Variants in PPP4R3B observed in about 807,000 individuals in gnomAD.
The protein encoded by PPP4R3B is protein phosphatase 4 regulatory subunit 3B.
PPP4R3B carries 52 observed loss-of-function variants against 95.4 expected under a neutral mutation model. The observed-to-expected ratio is 0.54, with a 90% CI of 0.44 to 0.69. The LOEUF is 0.69. Ranked by LOEUF, PPP4R3B falls within the 30% of genes least tolerant of loss-of-function variation. The pLI is 0.00. For synonymous variants in PPP4R3B, 407 were observed against 343.9 expected (o/e 1.18, Z -2.03); for missense variants, 1,003 against 1,005.9 (o/e 1.00, Z 0.04).
At chr2:55,589,327 T>C (rs2104348822) in intron 4 of PPP4R3B, among the ~76,000 whole-genome samples, 1 of 111,616 alleles carries the variant, frequency 9.0e-6, no homozygotes, top group East Asian at 2.1e-4. Context: ...TTATTGTCAG[T>C]TTATAACAGA....
At chr2:55,591,575 C>T in intron 4 of PPP4R3B, 6 of 983,754 alleles carry the variant, frequency 6.1e-6, no homozygotes, top group Non-Finnish European at 7.2e-6. Flanking sequence ...TCCTTTACTA[C>T]CTGAAAATTT....
chr2:55,585,008 A>G, intron 7 of PPP4R3B, 43 bp downstream of exon 7: 1 of 1,347,088 alleles, frequency 7.4e-7, no homozygotes, highest in Non-Finnish European at 1.0e-6. Context: ...AACACTACTC[A>G]CTCTACAGGT....
intron 2 of PPP4R3B, among the ~76,000 whole-genome samples, chr2:55,613,176 A>G (rs529150448): frequency 6.6e-6 from 1 of 152,316 alleles, no homozygotes; most frequent in South Asian, 2.1e-4. Flanking sequence ...TGTCTATTAC[A>G]AAGAAACTAA....
chr2:55,578,476 C>CA, intron 9 of PPP4R3B, 134 bp from the exon 10 acceptor site: 1 of 920,118 alleles, frequency 1.1e-6, no homozygotes. Context: ...GCATTATTTT[C>CA]ATTTATATAA....
intron 16 of PPP4R3B, among the ~76,000 whole-genome samples, chr2:55,551,288 A>G (rs1685214778): frequency 6.6e-6 from 1 of 152,120 alleles, no homozygotes. Context: ...CAGGAGGTGG[A>G]GATTGCACCA....
At chr2:55,572,462 T>C (rs896049628) in intron 12 of PPP4R3B, among the ~76,000 whole-genome samples, 2 of 152,084 alleles carry the variant, frequency 1.3e-5, no homozygotes, top group Non-Finnish European at 1.5e-5. Flanking sequence ...AAATGCAAAG[T>C]ACACTAATAT....
chr2:55,616,090 G>C (rs944363010), intron 1 of PPP4R3B, among the ~76,000 whole-genome samples: 2 of 151,794 alleles, frequency 1.3e-5, no homozygotes, highest in Non-Finnish European at 2.9e-5. Context: ...GAGGAGACTA[G>C]ATGACTATTA....
chr2:55,563,422 G>A (rs1054195389), intron 15 of PPP4R3B, among the ~76,000 whole-genome samples: 4 of 152,142 alleles, frequency 2.6e-5, no homozygotes, highest in African/African-American at 9.7e-5. Flanking sequence ...TTATTAAGCT[G>A]GAGTGCAGCG....
At position 55,617,368 on chromosome 2, in the gene PPP4R3B, C is replaced by T. The variant is rs570597755; in HGVS notation, c.-83G>A. 14 of 1,393,422 alleles carry T rather than the reference C, an allele frequency of 1.0e-5. No individual in the cohort carries two copies. The highest frequency in any genetic ancestry group is 3.0e-5 in the Admixed American group (1 of 33,386). The allele number at this position is 1,393,422 out of a possible 1,614,324, so 86.3% of individuals were successfully genotyped here. The stretch of plus-strand genomic sequence containing the variant: ...CCTCACTCTTAGGAGACGGTAAAGG[C>T]AGTAGTGGCGGTGGCGGCGGCGGCG... On this transcript the variant is annotated 5_prime_UTR_variant, in exon 1 of 17. Transcript: ENST00000616407.
At chr2:55,565,310 G>T (rs7598537) in intron 13 of PPP4R3B, among the ~76,000 whole-genome samples, 4,376 of 146,148 alleles carry the variant, frequency 0.03, 417 homozygotes, top group African/African-American at 0.1. Context: ...TCTATTTTTT[G>T]TATATATATA....
chr2:55,612,086 CTCAT>C (rs1198169412), intron 2 of PPP4R3B, among the ~76,000 whole-genome samples: 2 of 152,110 alleles, frequency 1.3e-5, no homozygotes, highest in African/African-American at 2.4e-5. Flanking sequence ...CATTCACTTA[CTCAT>C]TAAGTTTTTA....
At chr2:55,592,539 T>A (rs538853462) in intron 4 of PPP4R3B, among the ~76,000 whole-genome samples, 1 of 152,122 alleles carries the variant, frequency 6.6e-6, no homozygotes, top group Admixed American at 6.5e-5. Context: ...TTAAAGAGTA[T>A]CTGAAGATTT....
chr2:55,564,297 T>C lies in PPP4R3B; in HGVS notation c.2260+16A>G, dbSNP rs2103930376. 1 of 1,604,782 alleles carries C rather than the reference T, an allele frequency of 6.2e-7. No individual in the cohort carries two copies. Among genetic ancestry groups the C allele is most frequent in the East Asian group, 2.2e-5 (1 of 44,646 alleles). ...AATAAGAGGGTACACTGTGCAAAAA[T>C]TCCGAATTTTAATACCTTTTTTAGT... On this transcript the variant is annotated intron_variant, in intron 15 of 16. Transcript: ENST00000616407.
At chr2:55,568,490 A>G (rs774588429) in intron 12 of PPP4R3B, 127 bp from the exon 13 acceptor site, 12 of 714,202 alleles carry the variant, frequency 1.7e-5, no homozygotes, top group Admixed American at 7.9e-5. Flanking sequence ...TGTATAAAGT[A>G]AAAAGTAAAC....
chr2:55,600,468 G>T (rs981903885), intron 3 of PPP4R3B, among the ~76,000 whole-genome samples: 1 of 142,918 alleles, frequency 7.0e-6, no homozygotes, highest in Non-Finnish European at 1.5e-5. Flanking sequence ...GCGGGCAGGG[G>T]TGGTTAAGAA....
At chr2:55,590,109 C>G (rs1375369683) in intron 4 of PPP4R3B, among the ~76,000 whole-genome samples, 1 of 150,604 alleles carries the variant, frequency 6.6e-6, no homozygotes, top group Non-Finnish European at 1.5e-5. Flanking sequence ...GGGGGGATCA[C>G]CTGAGGTCGG....
At chr2:55,563,387 G>C (rs949624919) in intron 15 of PPP4R3B, among the ~76,000 whole-genome samples, 3 of 152,064 alleles carry the variant, frequency 2.0e-5, no homozygotes, top group African/African-American at 7.2e-5. Context: ...TTTTTCTTTT[G>C]TTTTTGAGAT....
At chr2:55,587,603 C>T (rs186850441) in intron 5 of PPP4R3B, among the ~76,000 whole-genome samples, 2 of 152,242 alleles carry the variant, frequency 1.3e-5, no homozygotes, top group Admixed American at 6.5e-5. Context: ...AAATAAAAAA[C>T]GATGACATCT....
chr2:55,558,375 C>G (rs1255065433), intron 16 of PPP4R3B, among the ~76,000 whole-genome samples: 1 of 151,972 alleles, frequency 6.6e-6, no homozygotes, highest in African/African-American at 2.4e-5. Context: ...TTTGAGAGGC[C>G]GAGGTGGGCG....
Sources: gnomAD v4.1 joint callset for allele counts (sites outside exome capture counted in the v4.1 genomes callset) on GRCh38, gnomAD v4.1.1 for gene constraint, MANE v1.5 for transcripts, NCBI Gene and HGNC (gene_info 2026-07-23, HGNC 2026-07-21) for gene names.